Variants in ZNF180 observed in about 807,000 individuals in gnomAD.
ZNF180 encodes the protein zinc finger protein 180, also known as zinc finger protein 180 (HHZ168).
A neutral mutation model predicts 11.8 loss-of-function variants in ZNF180; 11 were observed. That is an observed-to-expected ratio of 0.93 (90% confidence interval 0.59 to 1.55). ZNF180 has a LOEUF of 1.55. Among genes scored for constraint, ZNF180 ranks in the 40% most tolerant of loss-of-function variants. The pLI is 0.00. For synonymous variants in ZNF180, 287 were observed against 257.7 expected (o/e 1.11, Z -1.09); for missense variants, 773 against 781.7 (o/e 0.99, Z 0.13).
chr19:44,477,601 T>G lies in ZNF180; in HGVS notation c.799A>C (p.Ile267Leu). Residue 267 changes from isoleucine (I) to leucine (L), a missense_variant, in exon 5 of 5, where the codon ATT becomes CTT. By Grantham distance (5) the Ile-to-Leu change is conservative. Transcript: ENST00000592529. ...HGTPLHIHEKIHGGGKTFDFK... is the reference protein window; with the variant it reads ...HGTPLHIHEKLHGGGKTFDFK... ...TCAAAGGTTTTTCCTCCTCCATGAATTTTTTCATGTATATGTAGGGGTGTA... is the reference window on the plus strand; with the variant it reads ...TCAAAGGTTTTTCCTCCTCCATGAAGTTTTTCATGTATATGTAGGGGTGTA... The G allele has an allele frequency of 1.2e-6, 2 of 1,614,114 alleles. No homozygotes were observed. The highest frequency in any genetic ancestry group is 1.7e-6 in the Non-Finnish European group (2 of 1,179,998).
rs2686773 is a variant in ZNF180 at position 44,495,741 on chromosome 19, A to G, written c.51+1543T>C. 0.39 allele frequency among the ~76,000 whole-genome samples: 58,472 copies of G among 151,818 alleles called. 11,326 individuals are homozygous for G. The highest frequency in any genetic ancestry group is 0.5 in the South Asian group (2,417 of 4,816). On this transcript the variant is annotated intron_variant, in intron 2 of 4. Coordinates refer to ENST00000592529, the MANE Select transcript of ZNF180 (RefSeq NM_001278509.3). The surrounding 1 kb of genome is among the most constrained non-coding windows in gnomAD (Gnocchi z 4.5). ...TCTGACACCCACATTGGGCTGCACC[A>G]CGTGCACAAGCGACTTCTTCATTCC...
At position 44,495,035 on chromosome 19, in the gene ZNF180, G is replaced by A. The variant is rs1970542890; in HGVS notation, c.51+2249C>T. Among the ~76,000 whole-genome samples, 1 of 152,126 alleles carries A rather than the reference G, an allele frequency of 6.6e-6. No individual in the cohort carries two copies. The highest frequency in any genetic ancestry group is 1.5e-5 in the Non-Finnish European group (1 of 68,030). ...TCTCTATATATTTCTAGATTAATGT[G>A]TACTGAAAACCATGAGCCCACAATA... On this transcript the variant is annotated intron_variant, in intron 2 of 4. Transcript: ENST00000592529. This position sits in a 1 kb window ranked among gnomAD's most constrained non-coding sequence, Gnocchi z 4.5.
At chr19:44,493,727 T>G (rs890271368) in intron 2 of ZNF180, among the ~76,000 whole-genome samples, 1 of 139,496 alleles carries the variant, frequency 7.2e-6, no homozygotes, top group African/African-American at 2.7e-5. Flanking sequence ...TCATCTTGAT[T>G]GTGTGCAACT....
chr19:44,492,216 A>T (rs1344986737), intron 2 of ZNF180, among the ~76,000 whole-genome samples: 1 of 152,220 alleles, frequency 6.6e-6, no homozygotes, highest in Non-Finnish European at 1.5e-5. Flanking sequence ...TATATTAGAA[A>T]GCACTGTGTA....
At chr19:44,481,547 CA>C (rs1481243765) in intron 3 of ZNF180, among the ~76,000 whole-genome samples, 3 of 152,106 alleles carry the variant, frequency 2.0e-5, no homozygotes, top group African/African-American at 4.8e-5. Context: ...ACTAGATTAG[CA>C]CCCCCACTCC....
intron 3 of ZNF180, among the ~76,000 whole-genome samples, chr19:44,482,533 T>C (rs1490826828): frequency 6.6e-6 from 1 of 152,090 alleles, no homozygotes; most frequent in Non-Finnish European, 1.5e-5. Context: ...ACCTCACTTC[T>C]TGGAGCTCTG....
Position 44,476,626 on chromosome 19 carries a change from A to G in ZNF180, c.1774T>C (p.Cys592Arg), listed in dbSNP as rs776034044. Residue 592 changes from cysteine (C) to arginine (R), a missense_variant, in exon 5 of 5, where the codon TGC becomes CGC. Transcript: ENST00000592529. ...QCGKSFRQSS[C>R]LTQHQRTHTG... ...TGAGTTCTCTGATGTTGAGTAAGGC[A>G]TGAACTCTGTCTGAAGGACTTCCCA... 3 of 1,614,030 alleles carry G rather than the reference A, an allele frequency of 1.9e-6. No homozygotes were observed. The highest frequency in any genetic ancestry group is 2.5e-6 in the Non-Finnish European group (3 of 1,179,954).
intron 2 of ZNF180, among the ~76,000 whole-genome samples, chr19:44,490,039 AGGGAAGGGAAGGGAAAGAGGG>A (rs1490821223): frequency 0.47 from 47,906 of 102,632 alleles, 12,087 homozygotes; most frequent in South Asian, 0.64. Flanking sequence ...GGAAAGAAAG[AGGGAAGGGAAGGGAAAGAGGG>A]AAAGGAAGGG....
intron 1 of ZNF180, among the ~76,000 whole-genome samples, chr19:44,499,170 G>A (rs1332210614): frequency 6.6e-6 from 1 of 152,184 alleles, no homozygotes; most frequent in Non-Finnish European, 1.5e-5. Flanking sequence ...CAGGACTTGG[G>A]CACTCGCCAG....
intron 2 of ZNF180, among the ~76,000 whole-genome samples, chr19:44,490,705 T>C (rs1178318811): frequency 1.3e-5 from 2 of 152,186 alleles, no homozygotes; most frequent in Non-Finnish European, 2.9e-5. Flanking sequence ...GACAACTTAA[T>C]GTTTTTCTCA....
chr19:44,489,609 C>T lies in ZNF180; in HGVS notation c.52-5174G>A, dbSNP rs1227147255. ...CAGGGACACAAACGCTGTGGAAGGC[C>T]GCAGGGTCCTCTGCCTAGGAAAACC... On this transcript the variant is annotated intron_variant, in intron 2 of 4. Coordinates refer to ENST00000592529, the MANE Select transcript of ZNF180 (RefSeq NM_001278509.3). 4.7e-5 allele frequency among the ~76,000 whole-genome samples: 5 copies of T among 107,484 alleles called. 1 individual carries two copies. Among genetic ancestry groups the T allele is most frequent in the Admixed American group, 1.1e-4 (1 of 8,750 alleles). 70.5% of individuals were successfully genotyped at this position (107,484 alleles called of 152,430 possible). A position where few individuals can be genotyped will look rare whatever the true frequency, so the allele number is the denominator to read the frequency against.
At chr19:44,496,753 T>C (rs1970598492) in intron 2 of ZNF180, 1 of 148,798 alleles carries the variant, frequency 6.7e-6, no homozygotes, top group South Asian at 2.1e-4. Flanking sequence ...CAACTACAGA[T>C]AATGTTTGTT....
intron 3 of ZNF180, among the ~76,000 whole-genome samples, chr19:44,484,059 A>G (rs562190257): frequency 6.7e-6 from 1 of 149,422 alleles, no homozygotes; most frequent in South Asian, 2.1e-4. Context: ...CAGTGGCGCA[A>G]TCTCGGCTCA....
chr19:44,477,882 C>A lies in ZNF180; in HGVS notation c.518G>T (p.Gly173Val), dbSNP rs534649657. 52 of 1,613,922 alleles carry A rather than the reference C, an allele frequency of 3.2e-5. No individual in the cohort carries two copies. The Middle Eastern group carries it at 6.6e-4, about 20-fold the overall frequency. ...CKSDETGEKS[G>V]LNSSLFSSPV... is the part of the protein sequence containing the mutation. Reference sequence around the variant, plus strand: ...GGATGAAAATAGACTGGAATTCAGACCACTCTTCTCCCCAGTTTCATCACT... The same window carrying A: ...GGATGAAAATAGACTGGAATTCAGAACACTCTTCTCCCCAGTTTCATCACT... The change falls in exon 5 of 5, where the codon GGT becomes GTT. Residue 173 changes from glycine (G) to valine (V), a missense_variant. Transcript: ENST00000592529.
At chr19:44,494,507 G>A (rs2686769) in intron 2 of ZNF180, among the ~76,000 whole-genome samples, 112,833 of 151,772 alleles carry the variant, frequency 0.74, 42,557 homozygotes, top group East Asian at 1. Flanking sequence ...TCTACAAAAA[G>A]TAAAAAATAA....
chr19:44,499,637 C>T (rs1424263280), intron 1 of ZNF180, among the ~76,000 whole-genome samples: 1 of 152,166 alleles, frequency 6.6e-6, no homozygotes, highest in Non-Finnish European at 1.5e-5. Flanking sequence ...GCCCTGATAC[C>T]CTCCTTCAGC....
At chr19:44,488,888 G>C (rs1970327975) in intron 2 of ZNF180, among the ~76,000 whole-genome samples, 1 of 149,820 alleles carries the variant, frequency 6.7e-6, no homozygotes, top group South Asian at 2.1e-4. Flanking sequence ...CCCCATCTGA[G>C]AAGTGAGGAG....
chr19:44,476,839 G>A lies in ZNF180; in HGVS notation c.1561C>T (p.Pro521Ser). ...AHQRTHTGEK[P>S]YECSECGKSF... is the part of the protein sequence containing the mutation. Reference sequence around the variant, plus strand: ...TTTCCACATTCACTACATTCATACGGTTTCTCTCCAGTGTGAGTTCTTTGA... The same window carrying A: ...TTTCCACATTCACTACATTCATACGATTTCTCTCCAGTGTGAGTTCTTTGA... The change falls in exon 5 of 5, where the codon CCG becomes TCG. Residue 521 changes from proline (P) to serine (S), a missense_variant. By Grantham distance (74) the Pro-to-Ser change is moderately conservative. Coordinates refer to ENST00000592529, the MANE Select transcript of ZNF180 (RefSeq NM_001278509.3). 1 of 1,614,134 alleles carries A rather than the reference G, an allele frequency of 6.2e-7. No individual in the cohort carries two copies. Among genetic ancestry groups the A allele is most frequent in the Non-Finnish European group, 8.5e-7 (1 of 1,180,008 alleles).
chr19:44,488,881 C>CGTCTG, intron 2 of ZNF180, among the ~76,000 whole-genome samples: 1 of 151,654 alleles, frequency 6.6e-6, no homozygotes, highest in South Asian at 2.1e-4. Flanking sequence ...CCGGTCGCCC[C>CGTCTG]ATCTGAGAAG....
Sources: gnomAD v4.1 joint callset for allele counts (sites outside exome capture counted in the v4.1 genomes callset) on GRCh38, gnomAD v4.1.1 for gene constraint, Gnocchi (gnomAD v3.1) non-coding constraint, MANE v1.5 for transcripts, NCBI Gene and HGNC (gene_info 2026-07-23, HGNC 2026-07-21) for gene names.